The following ATOSA variants were observed in gnomAD, a reference collection of about 807,000 sequenced individuals.
ATOSA encodes atos homolog A, also known as atos homolog protein A.
At chr15:52,597,933 T>C in the ATOSA span, among the ~76,000 whole-genome samples, 1 of 152,178 alleles carries the variant, frequency 6.6e-6, no homozygotes, top group Non-Finnish European at 1.5e-5. Context: ...GAGACCAGCC[T>C]GACCAGCATG....
At chr15:52,602,071 A>G in the ATOSA span, among the ~76,000 whole-genome samples, 1 of 152,142 alleles carries the variant, frequency 6.6e-6, no homozygotes, top group African/African-American at 2.4e-5. Context: ...CTTACATTGA[A>G]CATCTCATTC....
the ATOSA span, among the ~76,000 whole-genome samples, chr15:52,699,425 C>G: frequency 4.6e-5 from 7 of 151,624 alleles, no homozygotes; most frequent in Non-Finnish European, 1.0e-4. Context: ...TCCTCCTGGT[C>G]CAATCTCCAA....
the ATOSA span, among the ~76,000 whole-genome samples, chr15:52,636,928 T>C: frequency 6.4e-4 from 98 of 152,298 alleles, no homozygotes; most frequent in Non-Finnish European, 7.5e-4. Flanking sequence ...ATGCTCAGAT[T>C]AATAGTGTGG....
the ATOSA span, among the ~76,000 whole-genome samples, chr15:52,601,529 G>GAA: frequency 2.3e-3 from 261 of 112,902 alleles, 1 homozygote; most frequent in East Asian, 0.029. Context: ...ACTTAAAAAG[G>GAA]AAAAAAAAAA....
chr15:52,630,140 T>G, the ATOSA span, among the ~76,000 whole-genome samples: 16 of 152,162 alleles, frequency 1.1e-4, no homozygotes, highest in Non-Finnish European at 1.9e-4. Flanking sequence ...CTCCCTGTAT[T>G]CCTCACATGT....
the ATOSA span, chr15:52,611,045 A>G: frequency 7.1e-7 from 1 of 1,403,832 alleles, no homozygotes. Context: ...GCAGGAAATA[A>G]TCTATTTAAA....
the ATOSA span, among the ~76,000 whole-genome samples, chr15:52,652,438 A>T: frequency 1.3e-5 from 2 of 152,180 alleles, no homozygotes; most frequent in African/African-American, 4.8e-5. Context: ...CCCTCTGAAA[A>T]TGTATAAATA....
chr15:52,699,632 T>C, the ATOSA span, among the ~76,000 whole-genome samples: 2,179 of 152,016 alleles, frequency 0.014, 54 homozygotes, highest in African/African-American at 0.051. Context: ...AGTGGTTCCT[T>C]TTGTCTCAGA....
chr15:52,584,753 T>C, the ATOSA span: 1 of 1,613,222 alleles, frequency 6.2e-7, no homozygotes, highest in Non-Finnish European at 8.5e-7. Context: ...ACCTCAGATG[T>C]ATGAGGTAGC....
At chr15:52,601,271 T>C in the ATOSA span, 1 of 665,174 alleles carries the variant, frequency 1.5e-6, no homozygotes, top group South Asian at 2.1e-5. Context: ...CTTTGAAATA[T>C]TACAACTTCT....
the ATOSA span, among the ~76,000 whole-genome samples, chr15:52,608,168 G>T: frequency 6.6e-6 from 1 of 152,126 alleles, no homozygotes; most frequent in East Asian, 1.9e-4. Flanking sequence ...GCAATTATAG[G>T]CTGTGAGCCA....
chr15:52,618,078 G>A, the ATOSA span, among the ~76,000 whole-genome samples: 2 of 150,488 alleles, frequency 1.3e-5, no homozygotes, highest in African/African-American at 2.5e-5. Context: ...TCACTCTGTC[G>A]CCCAGGCTGG....
At chr15:52,703,790 A>T in the ATOSA span, among the ~76,000 whole-genome samples, 1 of 152,164 alleles carries the variant, frequency 6.6e-6, no homozygotes, top group African/African-American at 2.4e-5. Context: ...ATGTATAACT[A>T]TGTAACAAAC....
At chr15:52,692,441 C>T in the ATOSA span, among the ~76,000 whole-genome samples, 3 of 152,000 alleles carry the variant, frequency 2.0e-5, no homozygotes, top group Non-Finnish European at 4.4e-5. Context: ...ACTGCAACCT[C>T]TGCTTCCCAG....
At chr15:52,584,434 C>T in the ATOSA span, among the ~76,000 whole-genome samples, 17 of 151,956 alleles carry the variant, frequency 1.1e-4, no homozygotes, top group Admixed American at 7.9e-4. Context: ...CCACTGTGCC[C>T]GGCCCTCGTA....
At chr15:52,690,889 G>A in the ATOSA span, among the ~76,000 whole-genome samples, 1 of 152,200 alleles carries the variant, frequency 6.6e-6, no homozygotes, top group Non-Finnish European at 1.5e-5. Flanking sequence ...AAATGGAGAA[G>A]ATAGAATCTG....
chr15:52,706,738 G>A, the ATOSA span, among the ~76,000 whole-genome samples: 13 of 152,274 alleles, frequency 8.5e-5, no homozygotes, highest in East Asian at 1.3e-3. Flanking sequence ...AAAAGGGAGC[G>A]ATGTATTGAT....
the ATOSA span, chr15:52,610,293 A>G: frequency 1.2e-6 from 2 of 1,614,064 alleles, no homozygotes; most frequent in Non-Finnish European, 1.7e-6. Context: ...CTTTCAAGGC[A>G]ACATTGTGAG....
chr15:52,666,927 C>T, the ATOSA span, among the ~76,000 whole-genome samples: 234 of 151,766 alleles, frequency 1.5e-3, no homozygotes, highest in African/African-American at 5.5e-3. Context: ...TCCGAGAAGG[C>T]TTCTTTGATG....
Sources: allele counts gnomAD v4.1 joint callset (sites outside exome capture counted in the v4.1 genomes callset), GRCh38; gene constraint gnomAD v4.1.1; transcripts MANE v1.5; gene names NCBI Gene and HGNC (gene_info 2026-07-23, HGNC 2026-07-21).